SNX27: variants seen among roughly 807,000 people sequenced by gnomAD.
SNX27 encodes the protein sorting nexin-27.
Under a neutral mutation model 71.6 loss-of-function variants are expected in SNX27, and 22 were observed. That is an observed-to-expected ratio of 0.31 (90% CI 0.22 to 0.44). SNX27 has a LOEUF of 0.44. Ranked by LOEUF, SNX27 falls within the 20% of genes least tolerant of loss-of-function variation. The pLI is 1.00. For synonymous variants in SNX27, 269 were observed against 277.2 expected (o/e 0.97, Z 0.29); for missense variants, 531 against 698.6 (o/e 0.76, Z 2.70).
intron 5 of SNX27, 49 bp downstream of exon 5, chr1:151,662,319 G>A: frequency 1.5e-6 from 2 of 1,304,718 alleles, no homozygotes; most frequent in Middle Eastern, 1.8e-4. Context: ...GTGAAGCTAA[G>A]GAAGATAGAT....
At chr1:151,659,257 T>C (rs959234655) in intron 3 of SNX27, among the ~76,000 whole-genome samples, 3 of 151,984 alleles carry the variant, frequency 2.0e-5, no homozygotes, top group African/African-American at 7.2e-5. Flanking sequence ...TTTTGTTTTG[T>C]TTTGTTTTGA....
At chr1:151,657,806 G>A (rs147687117) in intron 2 of SNX27, among the ~76,000 whole-genome samples, 19 of 152,208 alleles carry the variant, frequency 1.2e-4, no homozygotes, top group African/African-American at 4.3e-4. Flanking sequence ...GTCGAGACCA[G>A]CCTGGCCAAC....
chr1:151,643,210 C>T (rs11586679), intron 2 of SNX27, among the ~76,000 whole-genome samples: 83,663 of 150,918 alleles, frequency 0.55, 24,785 homozygotes, highest in Non-Finnish European at 0.68. Flanking sequence ...GTGATCCGCC[C>T]GCCTCGGCCT....
intron 6 of SNX27, among the ~76,000 whole-genome samples, chr1:151,667,576 A>G (rs955399757): frequency 7.2e-6 from 1 of 139,762 alleles, no homozygotes; most frequent in African/African-American, 2.5e-5. Context: ...CTGTAATCCC[A>G]GCACTTTGGG....
chr1:151,628,199 G>T lies in SNX27; in HGVS notation c.312-10689G>T, dbSNP rs373046250. ...TTTTTGTATTTTTAGTAGTGATGGG[G>T]TTTTACCGTATTGGCCAGGCTGGTG... On this transcript the variant is annotated intron_variant, in intron 1 of 11. Coordinates refer to ENST00000458013, the MANE Select transcript of SNX27 (RefSeq NM_001330723.2). Among the ~76,000 whole-genome samples the T allele has an allele frequency of 4.6e-5, 7 of 152,030 alleles. No individual in the cohort carries two copies. In the East Asian group the frequency reaches 9.7e-4, roughly 21 times the overall value.
At chr1:151,625,436 A>G (rs566300575) in intron 1 of SNX27, among the ~76,000 whole-genome samples, 7 of 148,484 alleles carry the variant, frequency 4.7e-5, no homozygotes, top group Middle Eastern at 3.6e-3. Context: ...AACCAAGGAG[A>G]TGGAGATTGC....
intron 3 of SNX27, 57 bp downstream of exon 3, chr1:151,658,484 A>C (rs1009145558): frequency 2.0e-6 from 3 of 1,482,788 alleles, no homozygotes; most frequent in African/African-American, 1.4e-5. Context: ...TAGATATGCA[A>C]CTTCTAAACT....
chr1:151,646,768 C>T (rs998667554), intron 2 of SNX27, among the ~76,000 whole-genome samples: 1 of 151,534 alleles, frequency 6.6e-6, no homozygotes, highest in East Asian at 1.9e-4. Context: ...CTAGCTTTCC[C>T]TCTGTTACCA....
Position 151,658,312 on chromosome 1 carries a change from G to A in SNX27, c.621G>A (p.Leu207=), listed in dbSNP as rs754801297. ...AGTTTGCTATCCTACACCAGAACCT[G>A]AAGAGAGAGTTTGCCAACTTTACAT... The part of the protein sequence containing the change: ...YREFAILHQN[L]KREFANFTFP... The change falls in exon 3 of 12, where the codon CTG becomes CTA. Residue 207 remains leucine (L), a synonymous_variant. Transcript: ENST00000458013. The A allele has an allele frequency of 4.6e-5, 74 of 1,614,054 alleles. No individual in the cohort carries two copies. Among genetic ancestry groups the A allele is most frequent in the Middle Eastern group, 1.6e-4 (1 of 6,084 alleles).
At chr1:151,636,484 G>A (rs891759694) in intron 1 of SNX27, among the ~76,000 whole-genome samples, 7 of 151,646 alleles carry the variant, frequency 4.6e-5, no homozygotes, top group Non-Finnish European at 8.8e-5. Flanking sequence ...GGTATATTTC[G>A]TATAGAGACG....
intron 1 of SNX27, among the ~76,000 whole-genome samples, chr1:151,636,666 T>A (rs1173072534): frequency 1.0e-5 from 1 of 97,560 alleles, no homozygotes; most frequent in Non-Finnish European, 2.1e-5. Context: ...TCCACTTTTG[T>A]AAAAAAAAAA....
At chr1:151,653,377 A>AT (rs1487646484) in intron 2 of SNX27, among the ~76,000 whole-genome samples, 1 of 152,196 alleles carries the variant, frequency 6.6e-6, no homozygotes, top group Admixed American at 6.5e-5. Context: ...CTGTTAGGGA[A>AT]TGTAGTCAGT....
intron 2 of SNX27, among the ~76,000 whole-genome samples, chr1:151,643,041 G>A (rs542585380): frequency 6.6e-6 from 1 of 152,160 alleles, no homozygotes; most frequent in Non-Finnish European, 1.5e-5. Context: ...TTGGCTCACT[G>A]TAACCTCTGC....
intron 7 of SNX27, among the ~76,000 whole-genome samples, chr1:151,674,719 G>A (rs1012026397): frequency 6.0e-5 from 9 of 151,050 alleles, no homozygotes; most frequent in South Asian, 2.1e-4. Flanking sequence ...ACAAAGTCTC[G>A]CTTTGTCGCC....
At chr1:151,693,941 G>T in intron 11 of SNX27, 1 of 1,298,524 alleles carries the variant, frequency 7.7e-7, no homozygotes, top group Non-Finnish European at 9.8e-7. Flanking sequence ...TGCCAGTGCT[G>T]GAACAGAATT....
intron 7 of SNX27, chr1:151,678,832 G>A (rs1421298274): frequency 1.3e-5 from 2 of 152,216 alleles, no homozygotes; most frequent in South Asian, 4.1e-4. Context: ...TTATGCCTCA[G>A]CCTTTTTGAA....
At chr1:151,662,412 A>G (rs1374206684) in intron 5 of SNX27, 142 bp downstream of exon 5, 1 of 503,710 alleles carries the variant, frequency 2.0e-6, no homozygotes. Flanking sequence ...TGTTATTATT[A>G]ATGTGAAAGT....
chr1:151,693,553 C>CA, intron 11 of SNX27, 70 bp downstream of exon 11: 1 of 1,612,028 alleles, frequency 6.2e-7, no homozygotes, highest in Non-Finnish European at 8.5e-7. Flanking sequence ...GGCCTGTGGC[C>CA]AAATACCTGG....
At chr1:151,623,471 G>A (rs749368303) in intron 1 of SNX27, among the ~76,000 whole-genome samples, 71 of 151,878 alleles carry the variant, frequency 4.7e-4, no homozygotes, top group Non-Finnish European at 7.9e-4. Flanking sequence ...TCACCATGTT[G>A]GCCAGTCTGG....
Sources: allele counts gnomAD v4.1 joint callset (sites outside exome capture counted in the v4.1 genomes callset), GRCh38; gene constraint gnomAD v4.1.1; transcripts MANE v1.5; gene names NCBI Gene and HGNC (gene_info 2026-07-23, HGNC 2026-07-21).